The following UCP1 variants were observed in gnomAD, a reference collection of about 807,000 sequenced individuals.
UCP1 encodes the protein mitochondrial brown fat uncoupling protein 1.
UCP1 carries 24 observed loss-of-function variants against 26.2 expected under a neutral mutation model. That is an observed-to-expected ratio of 0.92 (90% CI 0.66 to 1.29). The LOEUF (loss-of-function observed/expected upper bound fraction) is 1.29. Ranked by LOEUF, UCP1 falls within the 50% of genes most tolerant of loss-of-function variation. UCP1 has a pLI of 0.00. For synonymous variants in UCP1, 164 were observed against 156.8 expected (o/e 1.05, Z -0.34); for missense variants, 402 against 388.7 (o/e 1.03, Z -0.29).
In UCP1 at chr4:140,568,799, T is replaced by C; in HGVS notation, c.-70A>G. ...CGAAGGTGGAGGAAGTTCCTTTCCC[T>C]TGCTCTTCACGCCTGTCCGCCGGGC... On this transcript the variant is annotated 5_prime_UTR_variant, in exon 1 of 6. Transcript: ENST00000262999. 6.5e-7 allele frequency: 1 copy of C among 1,537,968 alleles called. No homozygotes were observed. The highest frequency in any genetic ancestry group is 8.7e-7 in the Non-Finnish European group (1 of 1,146,954).
chr4:140,568,108 C>CGTGTGTGGGTGTGT (rs1735844436), intron 1 of UCP1, 131 bp from the exon 2 acceptor site: 1 of 596,758 alleles, frequency 1.7e-6, no homozygotes, highest in African/African-American at 2.0e-5. Flanking sequence ...CTCCCTCTAC[C>CGTGTGTGGGTGTGT]GTGTGTGTGT....
In UCP1 at chr4:140,562,362, A is replaced by G. The variant is rs1735696642; in HGVS notation, c.640T>C (p.Cys214Arg). The G allele has an allele frequency of 6.2e-7, 1 of 1,613,952 alleles. No homozygotes were observed. The highest frequency in any genetic ancestry group is 1.7e-5 in the Admixed American group (1 of 59,980). ...KNNILADDVP[C>R]HLVSALIAGF... is the part of the protein sequence containing the mutation. ...GCGATAAGAGCCGACACCAAGTGGC[A>G]GGGGACGTCATCTAAAATGGATCGA... Residue 214 changes from cysteine to arginine, a missense_variant, in exon 5 of 6, where the codon TGC (cysteine) becomes CGC (arginine). Transcript: ENST00000262999.
rs147980705 is a variant in UCP1, at chr4:140,562,117, G to T, written c.809+76C>A. 106 of 1,524,172 alleles carry T rather than the reference G, an allele frequency of 7.0e-5. No homozygotes were observed. The African/African-American group carries it at 1.3e-3, about 18-fold the overall frequency. 94.4% of individuals were successfully genotyped at this position (1,524,172 alleles called of 1,614,324 possible). A position where few individuals can be genotyped will look rare whatever the true frequency, so the allele number is the denominator to read the frequency against. On this transcript the variant is annotated intron_variant, in intron 5 of 5. Coordinates refer to ENST00000262999, the MANE Select transcript of UCP1 (RefSeq NM_021833.5). ...TACTAAGGCTTGTAAGCTAAATGTCGGTTGCTTGACATGAGAGTGTCCCAA... is the reference window on the plus strand; with the variant it reads ...TACTAAGGCTTGTAAGCTAAATGTCTGTTGCTTGACATGAGAGTGTCCCAA...
At chr4:140,568,108 C>CGTGTGTGTGTGTGTGTGTGTGT (rs3138733) in intron 1 of UCP1, 131 bp from the exon 2 acceptor site, 1 of 596,758 alleles carries the variant, frequency 1.7e-6, no homozygotes, top group African/African-American at 2.0e-5. Flanking sequence ...CTCCCTCTAC[C>CGTGTGTGTGTGTGTGTGTGTGT]GTGTGTGTGT....
chr4:140,567,868 G>T lies in UCP1; in HGVS notation c.236C>A (p.Pro79His). ...EGRMKLYSGL[P>H]AGLQRQISSA... ...GCTGATTTGCCGCTGAAGCCCCGCA[G>T]GCAGCCCGCTGTAGAGTTTCATCCG... Residue 79 changes from proline to histidine, a missense_variant, in exon 2 of 6, where the codon CCT (proline) becomes CAT (histidine). Transcript: ENST00000262999. 1 of 1,614,142 alleles carries T rather than the reference G, an allele frequency of 6.2e-7. No individual in the cohort carries two copies.
chr4:140,560,532 A>G (rs550015648), intron 5 of UCP1, among the ~76,000 whole-genome samples: 3 of 152,290 alleles, frequency 2.0e-5, no homozygotes, highest in South Asian at 4.1e-4. Context: ...GGAAACTATT[A>G]GAAGGGGGAA....
chr4:140,563,273 T>C, intron 3 of UCP1, 45 bp downstream of exon 3: 1 of 1,612,952 alleles, frequency 6.2e-7, no homozygotes, highest in Middle Eastern at 1.7e-4. Context: ...GCTAGTTGTA[T>C]GTATGTGCTT....
In UCP1 at chr4:140,563,152, CAT is replaced by C. The variant is rs1250356288; in HGVS notation, c.584_585del (p.Tyr195Ter). 2 of 1,613,482 alleles carry C rather than the reference CAT, an allele frequency of 1.2e-6. No individual in the cohort carries two copies. Among genetic ancestry groups the C allele is most frequent in the African/African-American group, 1.3e-5 (1 of 74,782 alleles). Reference sequence around the variant, plus strand: ...TTCACAAAGGCCTCCTTCATTAGATCATATGTTACTAGCTCTGTACAATTGAT... The same window carrying C: ...TTCACAAAGGCCTCCTTCATTAGATCATGTTACTAGCTCTGTACAATTGAT... ...VIINCTELVT[Y>X]DLMKEAFVKN... On this transcript the variant is annotated frameshift_variant, in exon 4 of 6. Transcript: ENST00000262999. LOFTEE classifies it high-confidence loss of function.
intron 5 of UCP1, among the ~76,000 whole-genome samples, chr4:140,561,074 G>GA (rs530434699): frequency 1.3e-5 from 2 of 151,964 alleles, no homozygotes; most frequent in South Asian, 2.1e-4. Flanking sequence ...TTTTAAATTT[G>GA]AAAAAAATAA....
intron 5 of UCP1, among the ~76,000 whole-genome samples, chr4:140,560,364 C>T (rs1190984290): frequency 6.6e-6 from 1 of 152,220 alleles, no homozygotes; most frequent in African/African-American, 2.4e-5. Context: ...TTCAAAACAA[C>T]ACAGCCCTGA....
intron 1 of UCP1, among the ~76,000 whole-genome samples, chr4:140,568,386 C>T (rs1209442042): frequency 6.6e-6 from 1 of 152,100 alleles, no homozygotes; most frequent in Middle Eastern, 3.2e-3. Flanking sequence ...TCATGGTCAA[C>T]CCATTCTCTG....
chr4:140,562,495 TA>T, intron 4 of UCP1, 122 bp from the exon 5 acceptor site: 1 of 994,668 alleles, frequency 1.0e-6, no homozygotes, highest in East Asian at 2.6e-5. Context: ...TATAAATAAA[TA>T]AAATAAAATA....
intron 2 of UCP1, among the ~76,000 whole-genome samples, chr4:140,567,472 C>T (rs1199340231): frequency 2.6e-5 from 4 of 152,200 alleles, no homozygotes; most frequent in Non-Finnish European, 5.9e-5. Flanking sequence ...TGATATACTT[C>T]CCTCTTTGGA....
chr4:140,568,833 C>A lies in UCP1; in HGVS notation c.-104G>T. On this transcript the variant is annotated 5_prime_UTR_variant, in exon 1 of 6. Coordinates refer to ENST00000262999, the MANE Select transcript of UCP1 (RefSeq NM_021833.5). Reference sequence around the variant, plus strand: ...ACGCCTGTCCGCCGGGCAGCAAACCCGATTTCTGTTTTTTGAACCGACCGC... The same window carrying A: ...ACGCCTGTCCGCCGGGCAGCAAACCAGATTTCTGTTTTTTGAACCGACCGC... 8 of 1,516,514 alleles carry A rather than the reference C, an allele frequency of 5.3e-6. No homozygotes were observed. Among genetic ancestry groups the A allele is most frequent in the Middle Eastern group, 1.8e-4 (1 of 5,654 alleles). 93.9% of individuals were successfully genotyped at this position (1,516,514 alleles called of 1,614,324 possible).
At chr4:140,560,126 C>T (rs1735645514) in intron 5 of UCP1, 116 bp from the exon 6 acceptor site, 5 of 835,462 alleles carry the variant, frequency 6.0e-6, no homozygotes, top group Non-Finnish European at 9.8e-6. Flanking sequence ...AATCATAGCT[C>T]ACTGCAACCT....
intron 1 of UCP1, 130 bp from the exon 2 acceptor site, chr4:140,568,107 C>CAGTGTG: frequency 1.3e-6 from 1 of 752,208 alleles, no homozygotes; most frequent in Non-Finnish European, 2.1e-6. Flanking sequence ...CCTCCCTCTA[C>CAGTGTG]CGTGTGTGTG....
Position 140,562,332 on chromosome 4 carries a change from A to G in UCP1, c.670T>C (p.Phe224Leu). 6.2e-7 allele frequency: 1 copy of G among 1,614,146 alleles called. No homozygotes were observed. The highest frequency in any genetic ancestry group is 8.5e-7 in the Non-Finnish European group (1 of 1,180,004). The change falls in exon 5 of 6, where the codon TTT (phenylalanine) becomes CTT (leucine). Residue 224 changes from phenylalanine (F) to leucine (L), a missense_variant. Transcript: ENST00000262999. ...GGGGAGGACATAGCTGTTGCGCAAA[A>G]TCCAGCGATAAGAGCCGACACCAAG... ...CHLVSALIAGFCATAMSSPVD... is the reference protein window; with the variant it reads ...CHLVSALIAGLCATAMSSPVD...
In UCP1 at chr4:140,563,423, G is replaced by C. The variant is rs201558037; in HGVS notation, c.421C>G (p.Leu141Val). 5.0e-6 allele frequency: 8 copies of C among 1,614,050 alleles called. No individual in the cohort carries two copies. Among genetic ancestry groups the C allele is most frequent in the Non-Finnish European group, 6.8e-6 (8 of 1,180,010 alleles). ...CCGTGGAGATGGCTCTGTGCTTGAA[G>C]TCTGACTTTCACGACCTCTGTGGGT... ...GQPTEVVKVRLQAQSHLHGIK... is the reference protein window; with the variant it reads ...GQPTEVVKVRVQAQSHLHGIK... The change falls in exon 3 of 6, where the codon CTT becomes GTT. Residue 141 changes from leucine to valine, a missense_variant. Transcript: ENST00000262999.
At chr4:140,566,731 G>T (rs113745782) in intron 2 of UCP1, among the ~76,000 whole-genome samples, 3 of 152,252 alleles carry the variant, frequency 2.0e-5, no homozygotes, top group African/African-American at 7.2e-5. Flanking sequence ...CTTCTCTCTG[G>T]CTTGTCTACT....
Sources: allele counts gnomAD v4.1 joint callset (sites outside exome capture counted in the v4.1 genomes callset), GRCh38; gene constraint gnomAD v4.1.1; transcripts MANE v1.5; gene names NCBI Gene and HGNC (gene_info 2026-07-23, HGNC 2026-07-21).